DST: variants seen among roughly 807,000 people sequenced by gnomAD.
DST encodes dystonin.
A neutral mutation model predicts 875.2 loss-of-function variants in DST; 253 were observed. That is an observed-to-expected ratio of 0.29 (90% CI 0.26 to 0.32). The LOEUF (loss-of-function observed/expected upper bound fraction) is 0.32. Among genes scored for constraint, DST ranks in the 10% least tolerant of loss-of-function variants. The pLI is 1.00. For missense variants in DST, 8,287 were observed against 9,111.6 expected, an observed-to-expected ratio of 0.91 and a Z score of 3.68; for synonymous variants, 3,124 against 3,197.1, an observed-to-expected ratio of 0.98 and a Z score of 0.77.
chr6:56,917,083 C>T (rs766067473), intron 2 of DST, among the ~76,000 whole-genome samples: 1 of 150,514 alleles, frequency 6.6e-6, no homozygotes, highest in Non-Finnish European at 1.5e-5. Context: ...CAATAGCCCA[C>T]TGAGGATACA....
At chr6:56,537,269 G>A (rs1280624767) in intron 61 of DST, among the ~76,000 whole-genome samples, 1 of 152,128 alleles carries the variant, frequency 6.6e-6, no homozygotes. Flanking sequence ...TGTTGTCCCA[G>A]TTTAACTGTA....
At chr6:56,766,314 G>C (rs898666393) in intron 4 of DST, among the ~76,000 whole-genome samples, 8 of 152,112 alleles carry the variant, frequency 5.3e-5, no homozygotes, top group Non-Finnish European at 8.8e-5. Context: ...ACTGTTCACT[G>C]ACAATGCATT....
rs2152468178 is a variant in DST, at chr6:56,506,538, A to C, written c.19369T>G (p.Ser6457Ala). ...GCTTTATTTAGAGAATCCCATGCTG[A>C]ATTTAACTACAAGATGTATGTTAGA... is the stretch of plus-strand genomic sequence containing the variant. ...IVKKSIDELN[S>A]AWDSLNKAWK... The change falls in exon 77 of 104, where the codon TCA becomes GCA. Residue 6457 changes from serine (S) to alanine (A), a missense_variant. Transcript: ENST00000680361. The C allele has an allele frequency of 1.2e-6, 2 of 1,612,686 alleles. No homozygotes were observed. The highest frequency in any genetic ancestry group is 8.5e-7 in the Non-Finnish European group (1 of 1,179,206).
At position 56,646,197 on chromosome 6, in the gene DST, A is replaced by T; in HGVS notation, c.1555-15T>A. On this transcript the variant is annotated splice_polypyrimidine_tract_variant and intron_variant, in intron 13 of 103. Coordinates refer to ENST00000680361, the MANE Select transcript of DST (RefSeq NM_001374736.1). Reference sequence around the variant, plus strand: ...TTATAAAGTGCCTAAAATAAAAAGGACAAGAAATTAAGGACCAAACTTAAA... The same window carrying T: ...TTATAAAGTGCCTAAAATAAAAAGGTCAAGAAATTAAGGACCAAACTTAAA... The T allele has an allele frequency of 7.2e-7, 1 of 1,391,122 alleles. No homozygotes were observed. Among genetic ancestry groups the T allele is most frequent in the South Asian group, 1.3e-5 (1 of 74,200 alleles). 86.2% of individuals were successfully genotyped at this position (1,391,122 alleles called of 1,614,324 possible).
At chr6:56,843,331 C>A in intron 4 of DST, 1 of 1,215,700 alleles carries the variant, frequency 8.2e-7, no homozygotes. Context: ...CCAGGGCCGG[C>A]AAAGGAAACG....
chr6:56,642,998 C>A lies in DST; in HGVS notation c.1779-495G>T, dbSNP rs148108955. 1.2e-3 allele frequency: 1,501 copies of A among 1,233,832 alleles called. 38 individuals carry two copies. In the Admixed American group the frequency reaches 0.037, roughly 31 times the overall value. 76.4% of individuals were successfully genotyped at this position (1,233,832 alleles called of 1,614,324 possible). A position where few individuals can be genotyped will look rare whatever the true frequency, so the allele number is the denominator to read the frequency against. ...CAAAAGAATCTAGCCTAAAGCCATT[C>A]GTTTGCTAGCTGAGGTTTGCCTTTT... On this transcript the variant is annotated intron_variant, in intron 15 of 103. Coordinates refer to ENST00000680361, the MANE Select transcript of DST (RefSeq NM_001374736.1).
intron 10 of DST, among the ~76,000 whole-genome samples, chr6:56,654,548 C>T (rs2152803014): frequency 6.8e-6 from 1 of 148,126 alleles, no homozygotes; most frequent in South Asian, 2.1e-4. Context: ...GTTTATCTTT[C>T]ATACAACACC....
chr6:56,513,602 G>A (rs2038206137), intron 72 of DST, among the ~76,000 whole-genome samples: 1 of 152,194 alleles, frequency 6.6e-6, no homozygotes, highest in African/African-American at 2.4e-5. Context: ...GACCTCAGGT[G>A]ATCCACCTGC....
chr6:56,731,685 T>G (rs1007666349), intron 5 of DST, among the ~76,000 whole-genome samples: 3 of 152,198 alleles, frequency 2.0e-5, no homozygotes, highest in Admixed American at 1.3e-4. Flanking sequence ...TGTATCATAA[T>G]TATTTTTACC....
intron 62 of DST, 138 bp downstream of exon 62, chr6:56,536,641 G>T: frequency 2.3e-6 from 2 of 854,846 alleles, no homozygotes; most frequent in Non-Finnish European, 3.4e-6. Flanking sequence ...ATCTGAGTTT[G>T]AGCCATCCAG....
At chr6:56,719,609 G>C (rs1401446523) in intron 5 of DST, among the ~76,000 whole-genome samples, 2 of 152,200 alleles carry the variant, frequency 1.3e-5, no homozygotes, top group Non-Finnish European at 2.9e-5. Flanking sequence ...TCCTCAAAGA[G>C]AATTATCAGG....
chr6:56,511,150 T>C lies in DST; in HGVS notation c.18780+47A>G. On this transcript the variant is annotated intron_variant, in intron 73 of 103. Transcript: ENST00000680361. ...AATCCAGGAAAATGTCTTTCTGTGCTCTGTTGTCTGCAAGAACCCAATTCT... is the reference window on the plus strand; with the variant it reads ...AATCCAGGAAAATGTCTTTCTGTGCCCTGTTGTCTGCAAGAACCCAATTCT... 3 of 1,463,394 alleles carry C rather than the reference T, an allele frequency of 2.1e-6. No individual in the cohort carries two copies. The African/African-American group carries it at 4.2e-5, about 21-fold the overall frequency. The allele number at this position is 1,463,394 out of a possible 1,614,324, so 90.7% of individuals were successfully genotyped here.
In DST at chr6:56,608,924, C is replaced by G. The variant is rs190559055; in HGVS notation, c.5704G>C (p.Val1902Leu). Reference protein sequence around the residue: ...TLQKAFQQNLVSSALFSKVLE... With the variant: ...TLQKAFQQNLLSSALFSKVLE... ...ACTTTAGAAAATAATGCTGAGGAAACCAAGTTCTGTTGGAAAGCCTTCTGT... is the reference window on the plus strand; with the variant it reads ...ACTTTAGAAAATAATGCTGAGGAAAGCAAGTTCTGTTGGAAAGCCTTCTGT... Residue 1902 changes from valine to leucine, a missense_variant, in exon 40 of 104, where the codon GTT becomes CTT. This residue lies in a region of DST where 3,138 missense variants were observed against 3,116.6 expected (regional missense o/e 1.01). Coordinates refer to ENST00000680361, the MANE Select transcript of DST (RefSeq NM_001374736.1). The G allele has an allele frequency of 6.2e-7, 1 of 1,613,768 alleles. No homozygotes were observed. Among genetic ancestry groups the G allele is most frequent in the South Asian group, 1.1e-5 (1 of 91,078 alleles).
chr6:56,471,314 A>T, intron 94 of DST, 46 bp from the exon 95 acceptor site: 4 of 1,380,832 alleles, frequency 2.9e-6, no homozygotes, highest in Non-Finnish European at 4.0e-6. Context: ...CTGTACTAAA[A>T]TTGTAGACTA....
intron 5 of DST, among the ~76,000 whole-genome samples, chr6:56,718,796 A>T (rs1233164567): frequency 3.3e-5 from 5 of 152,238 alleles, no homozygotes; most frequent in Non-Finnish European, 7.3e-5. Context: ...TAACTAAAAG[A>T]AACCAGACAG....
chr6:56,887,605 T>C (rs1340376423), intron 3 of DST, among the ~76,000 whole-genome samples: 2 of 152,238 alleles, frequency 1.3e-5, no homozygotes, highest in Non-Finnish European at 2.9e-5. Context: ...AAATGTTTTC[T>C]TTAAGTTTCC....
rs375411516 is a variant in DST, at chr6:56,595,014, T to C, written c.12196-821A>G. Among the ~76,000 whole-genome samples, 4 of 152,294 alleles carry C rather than the reference T, an allele frequency of 2.6e-5. No individual in the cohort carries two copies. The South Asian group carries it at 6.2e-4, about 24-fold the overall frequency. On this transcript the variant is annotated intron_variant, in intron 47 of 103. Transcript: ENST00000680361. ...TTCAGGGAAGCAGGGAGGCATCAGG[T>C]AGGTGAAGTCCCTTTCCCTCCAGCC...
chr6:56,780,524 CTTTT>C (rs985531151), intron 4 of DST, among the ~76,000 whole-genome samples: 1 of 151,958 alleles, frequency 6.6e-6, no homozygotes, highest in African/African-American at 2.4e-5. Flanking sequence ...TAAATGTCTT[CTTTT>C]GAGAAGTGTC....
At chr6:56,480,141 C>A (rs2152417759) in intron 90 of DST, among the ~76,000 whole-genome samples, 1 of 152,170 alleles carries the variant, frequency 6.6e-6, no homozygotes, top group East Asian at 1.9e-4. Context: ...CTTTTTAGAC[C>A]TTTTATTTAC....
Sources: gnomAD v4.1 joint callset for allele counts (sites outside exome capture counted in the v4.1 genomes callset) on GRCh38, gnomAD v4.1.1 for gene constraint, gnomAD v4.1.1 regional missense constraint, MANE v1.5 for transcripts, NCBI Gene and HGNC (gene_info 2026-07-23, HGNC 2026-07-21) for gene names.